Variants in ASB13 observed in about 807,000 individuals in gnomAD.
The protein encoded by ASB13 is ankyrin repeat and SOCS box containing 13, also known as ankyrin repeat and SOCS box protein 13.
Under a neutral mutation model 28.8 loss-of-function variants are expected in ASB13, and 33 were observed. That is an observed-to-expected ratio of 1.15 (90% CI 0.87 to 1.53). ASB13 has a LOEUF of 1.53. Among genes scored for constraint, ASB13 ranks in the 40% most tolerant of loss-of-function variants. ASB13 has a pLI of 0.00. For synonymous variants in ASB13, 182 were observed against 172.9 expected, an observed-to-expected ratio of 1.05 and a Z score of -0.41; for missense variants, 414 against 390.1, an observed-to-expected ratio of 1.06 and a Z score of -0.52.
At position 5,640,526 on chromosome 10, in the gene ASB13, C is replaced by G; in HGVS notation, c.*177G>C. The G allele has an allele frequency of 1.2e-6, 1 of 806,826 alleles. No homozygotes were observed. The highest frequency in any genetic ancestry group is 2.8e-5 in the East Asian group (1 of 35,412). 50.0% of individuals were successfully genotyped at this position (806,826 alleles called of 1,614,324 possible). ...ACCTGAGACGCAGGCCTTCCCAACA[C>G]CCTGGAAACATTATCCAGGATCCAG... On this transcript the variant is annotated 3_prime_UTR_variant, in exon 6 of 6. Coordinates refer to ENST00000357700, the MANE Select transcript of ASB13 (RefSeq NM_024701.4).
Position 5,640,674 on chromosome 10 carries a change from G to T in ASB13, c.*29C>A. Reference sequence around the variant, plus strand: ...CCGGGCAATGCTGGGCACAACGGGGGCAGCCACGGTCCGGACCCCACCTGC... The same window carrying T: ...CCGGGCAATGCTGGGCACAACGGGGTCAGCCACGGTCCGGACCCCACCTGC... On this transcript the variant is annotated 3_prime_UTR_variant, in exon 6 of 6. Coordinates refer to ENST00000357700, the MANE Select transcript of ASB13 (RefSeq NM_024701.4). 2 of 1,613,652 alleles carry T rather than the reference G, an allele frequency of 1.2e-6. No homozygotes were observed. The highest frequency in any genetic ancestry group is 1.7e-6 in the Non-Finnish European group (2 of 1,179,702).
rs1834831522 is a variant in ASB13, at chr10:5,642,855, G to T, written c.518-894C>A. ...AGACGGGGTTTTGCCGTGTTGGCCA[G>T]GTTGGTCTCGAACTCCTGGCTACGG... On this transcript the variant is annotated intron_variant, in intron 4 of 5. Transcript: ENST00000357700. The surrounding 1 kb of genome is among the most constrained non-coding windows in gnomAD (Gnocchi z 4.1). Among the ~76,000 whole-genome samples, 1 of 152,062 alleles carries T rather than the reference G, an allele frequency of 6.6e-6. No homozygotes were observed. Among genetic ancestry groups the T allele is most frequent in the African/African-American group, 2.4e-5 (1 of 41,398 alleles).
rs1451585592 is a variant in ASB13 at position 5,648,343 on chromosome 10, G to A, written c.517+627C>T. Among the ~76,000 whole-genome samples the A allele has an allele frequency of 3.7e-4, 34 of 91,740 alleles. 1 individual carries two copies. The highest frequency in any genetic ancestry group is 5.8e-4 in the Non-Finnish European group (22 of 37,998). 60.2% of individuals were successfully genotyped at this position (91,740 alleles called of 152,430 possible). On this transcript the variant is annotated intron_variant, in intron 4 of 5. Coordinates refer to ENST00000357700, the MANE Select transcript of ASB13 (RefSeq NM_024701.4). Reference sequence around the variant, plus strand: ...AACACCCCCTCGGGTAAACACCCACGTGGGCAACACCCACGGGGGTAAACA... The same window carrying A: ...AACACCCCCTCGGGTAAACACCCACATGGGCAACACCCACGGGGGTAAACA...
chr10:5,640,575 A>G lies in ASB13; in HGVS notation c.*128T>C, dbSNP rs998443338. ...AGGAGAGAAGCCTAAACAGGATCGC[A>G]GGAAGGGACTCGAAGGAGCGTTGTT... is the stretch of plus-strand genomic sequence containing the variant. On this transcript the variant is annotated 3_prime_UTR_variant, in exon 6 of 6. Transcript: ENST00000357700. 8.0e-5 allele frequency: 98 copies of G among 1,219,802 alleles called. No homozygotes were observed. The highest frequency in any genetic ancestry group is 1.1e-4 in the Non-Finnish European group (93 of 862,988). 75.6% of individuals were successfully genotyped at this position (1,219,802 alleles called of 1,614,324 possible). A position where few individuals can be genotyped will look rare whatever the true frequency, so the allele number is the denominator to read the frequency against.
rs1182715491 is a variant in ASB13 at position 5,664,391 on chromosome 10, A to G, written c.43+2118T>C. 2.0e-5 allele frequency among the ~76,000 whole-genome samples: 3 copies of G among 152,166 alleles called. No individual in the cohort carries two copies. The highest frequency in any genetic ancestry group is 6.5e-5 in the Admixed American group (1 of 15,276). ...TCTGGGGATAAATTAGGGATTAGGC[A>G]TGGAGAACACCGAACCCACAGGTAA... On this transcript the variant is annotated intron_variant, in intron 1 of 5. Transcript: ENST00000357700. The surrounding 1 kb of genome is among the most constrained non-coding windows in gnomAD (Gnocchi z 4.2).
intron 4 of ASB13, 138 bp downstream of exon 4, chr10:5,648,832 A>C: frequency 6.7e-7 from 1 of 1,488,064 alleles, no homozygotes; most frequent in Non-Finnish European, 9.0e-7. Context: ...GCGGGCAAAC[A>C]TCCACTCCGG....
Position 5,651,186 on chromosome 10 carries a change from G to A in ASB13, c.382+27C>T. The A allele has an allele frequency of 1.9e-6, 3 of 1,580,674 alleles. No individual in the cohort carries two copies. The highest frequency in any genetic ancestry group is 4.6e-5 in the East Asian group (2 of 43,294). On this transcript the variant is annotated intron_variant, in intron 3 of 5. Coordinates refer to ENST00000357700, the MANE Select transcript of ASB13 (RefSeq NM_024701.4). The surrounding 1 kb of genome is among the most constrained non-coding windows in gnomAD (Gnocchi z 5.1). ...GGAGGAAACTTCCAGAGCCCAGCTG[G>A]GCCAGCCCAGCCGTCTGCCAACTCA...
intron 1 of ASB13, among the ~76,000 whole-genome samples, chr10:5,666,138 G>C (rs1322620541): frequency 6.6e-6 from 1 of 152,198 alleles, no homozygotes; most frequent in Admixed American, 6.5e-5. Flanking sequence ...TCCCCGAGAG[G>C]GAGCACCGTG....
intron 4 of ASB13, among the ~76,000 whole-genome samples, chr10:5,646,667 T>C (rs1834890143): frequency 6.6e-6 from 1 of 152,228 alleles, no homozygotes; most frequent in Admixed American, 6.5e-5. Flanking sequence ...CGCCATTGTT[T>C]ACCAGTGGAA....
rs893303907 is a variant in ASB13 at position 5,645,065 on chromosome 10, C to G, written c.518-3104G>C. ...GTGCTTCAGAGAAAAGGGGTCAACACAGGCTCATTACCAAAATCCTGCTTT... is the reference window on the plus strand; with the variant it reads ...GTGCTTCAGAGAAAAGGGGTCAACAGAGGCTCATTACCAAAATCCTGCTTT... On this transcript the variant is annotated intron_variant, in intron 4 of 5. Coordinates refer to ENST00000357700, the MANE Select transcript of ASB13 (RefSeq NM_024701.4). This position sits in a 1 kb window ranked among gnomAD's most constrained non-coding sequence, Gnocchi z 5.4. Among the ~76,000 whole-genome samples the G allele has an allele frequency of 2.6e-5, 4 of 152,004 alleles. No homozygotes were observed. Among genetic ancestry groups the G allele is most frequent in the African/African-American group, 9.7e-5 (4 of 41,368 alleles).
rs1834965798 is a variant in ASB13, at chr10:5,650,362, C to T, written c.382+851G>A. Among the ~76,000 whole-genome samples the T allele has an allele frequency of 6.6e-6, 1 of 152,238 alleles. No homozygotes were observed. On this transcript the variant is annotated intron_variant, in intron 3 of 5. Coordinates refer to ENST00000357700, the MANE Select transcript of ASB13 (RefSeq NM_024701.4). The surrounding 1 kb of genome is among the most constrained non-coding windows in gnomAD (Gnocchi z 6.0). Reference sequence around the variant, plus strand: ...CTGACCCTCGACATCTGCTCAGAAACCTTCAAGAGCTCCCTGGAGCTGTCC... The same window carrying T: ...CTGACCCTCGACATCTGCTCAGAAATCTTCAAGAGCTCCCTGGAGCTGTCC...
At chr10:5,665,118 A>G (rs1204580145) in intron 1 of ASB13, among the ~76,000 whole-genome samples, 1 of 152,214 alleles carries the variant, frequency 6.6e-6, no homozygotes, top group Non-Finnish European at 1.5e-5. Context: ...CGGCCTCCCA[A>G]AGTGCTGGCA....
At chr10:5,662,024 C>T (rs12248979) in intron 1 of ASB13, among the ~76,000 whole-genome samples, 46,755 of 152,006 alleles carry the variant, frequency 0.31, 7,287 homozygotes, top group Admixed American at 0.36. Flanking sequence ...GGCGAGCACA[C>T]ACTTGGGGAA....
chr10:5,657,537 T>C (rs867246982), intron 1 of ASB13, among the ~76,000 whole-genome samples: 1 of 152,150 alleles, frequency 6.6e-6, no homozygotes, highest in African/African-American at 2.4e-5. Flanking sequence ...TTGGCGAGAA[T>C]GTGGAGAAAG....
rs973568435 is a variant in ASB13 at position 5,649,173 on chromosome 10, G to T, written c.383-69C>A. ...CACTGGAGACAACAAGCACACAGAC[G>T]CGGCAGGGGCAGCAGCCTCCATCCT... is the stretch of plus-strand genomic sequence containing the variant. On this transcript the variant is annotated intron_variant, in intron 3 of 5. Transcript: ENST00000357700. The surrounding 1 kb of genome is among the most constrained non-coding windows in gnomAD (Gnocchi z 6.4). The T allele has an allele frequency of 2.5e-6, 4 of 1,593,470 alleles. No individual in the cohort carries two copies. The highest frequency in any genetic ancestry group is 2.6e-6 in the Non-Finnish European group (3 of 1,169,298).
chr10:5,665,491 A>G (rs1208609936), intron 1 of ASB13, among the ~76,000 whole-genome samples: 1 of 152,218 alleles, frequency 6.6e-6, no homozygotes, highest in Non-Finnish European at 1.5e-5. Context: ...GATGCCATGA[A>G]CAGAAATATT....
In ASB13 at chr10:5,655,881, G is replaced by A. The variant is rs1835063067; in HGVS notation, c.44-2831C>T. On this transcript the variant is annotated intron_variant, in intron 1 of 5. Transcript: ENST00000357700. The surrounding 1 kb of genome is among the most constrained non-coding windows in gnomAD (Gnocchi z 6.2). ...ACCTGAGCCGGGAAGGCGCGTTCCC[G>A]ACGTGCCTCCATTCACAAGACGTCC... 6.6e-6 allele frequency among the ~76,000 whole-genome samples: 1 copy of A among 152,214 alleles called. No homozygotes were observed. Among genetic ancestry groups the A allele is most frequent in the Admixed American group, 6.5e-5 (1 of 15,284 alleles).
rs1207329905 is a variant in ASB13 at position 5,664,308 on chromosome 10, G to C, written c.43+2201C>G. On this transcript the variant is annotated intron_variant, in intron 1 of 5. Coordinates refer to ENST00000357700, the MANE Select transcript of ASB13 (RefSeq NM_024701.4). This position sits in a 1 kb window ranked among gnomAD's most constrained non-coding sequence, Gnocchi z 4.2. ...TGCAGGGCACACGTCTCCAAACACTGAACCAGGAGAGAGAGAACACAGGAC... is the reference window on the plus strand; with the variant it reads ...TGCAGGGCACACGTCTCCAAACACTCAACCAGGAGAGAGAGAACACAGGAC... Among the ~76,000 whole-genome samples the C allele has an allele frequency of 1.3e-5, 2 of 149,646 alleles. No homozygotes were observed. The highest frequency in any genetic ancestry group is 3.0e-5 in the Non-Finnish European group (2 of 67,676).
intron 1 of ASB13, among the ~76,000 whole-genome samples, chr10:5,654,565 C>T (rs1835042809): frequency 6.6e-6 from 1 of 152,214 alleles, no homozygotes. Flanking sequence ...AAACCACGCA[C>T]GTGTTTTCTC....
Sources: gnomAD v4.1 joint callset for allele counts (sites outside exome capture counted in the v4.1 genomes callset) on GRCh38, gnomAD v4.1.1 for gene constraint, Gnocchi (gnomAD v3.1) non-coding constraint, MANE v1.5 for transcripts, NCBI Gene and HGNC (gene_info 2026-07-23, HGNC 2026-07-21) for gene names.